Variants in SF1 observed in about 807,000 individuals in gnomAD.
SF1 encodes the protein branch point-binding protein.
Under a neutral mutation model 62.5 loss-of-function variants are expected in SF1, and 7 were observed. The ratio of observed to expected loss-of-function variants is 0.11; its 90% confidence interval spans 0.06 to 0.21. The LOEUF is 0.21. SF1 is among the 10% of genes least tolerant of loss of function. The pLI is 1.00. For synonymous variants in SF1, 394 were observed against 323.6 expected, an observed-to-expected ratio of 1.22 and a Z score of -2.33; for missense variants, 578 against 884.0, an observed-to-expected ratio of 0.65 and a Z score of 4.39.
chr11:64,766,372 CCTTT>C, intron 12 of SF1: 1 of 585,702 alleles, frequency 1.7e-6, no homozygotes, highest in Admixed American at 3.1e-5. Flanking sequence ...CAGAGTAAGC[CCTTT>C]GTCACCAATG....
At chr11:64,778,292 G>A in intron 1 of SF1, 70 bp downstream of exon 1, 2 of 1,219,132 alleles carry the variant, frequency 1.6e-6, no homozygotes, top group Non-Finnish European at 2.0e-6. Context: ...CCCGGGTGCA[G>A]GCGGAGGGCC....
At chr11:64,769,866 G>T in intron 5 of SF1, 98 bp downstream of exon 5, 1 of 955,540 alleles carries the variant, frequency 1.0e-6, no homozygotes, top group East Asian at 2.5e-5. Context: ...CTACCAAAAA[G>T]GGGAAAAGTA....
chr11:64,778,133 G>A (rs1939687040), intron 1 of SF1: 2 of 844,120 alleles, frequency 2.4e-6, no homozygotes, highest in Non-Finnish European at 2.9e-6. Flanking sequence ...CGGTGGCGGT[G>A]GAGGCGGCGG....
intron 3 of SF1, chr11:64,773,218 T>G: frequency 7.3e-7 from 1 of 1,366,744 alleles, no homozygotes; most frequent in Non-Finnish European, 9.4e-7. Flanking sequence ...TCCTGTAACT[T>G]TTTATTCTCC....
Position 64,765,786 on chromosome 11 carries a change from A to C in SF1, c.*32T>G, listed in dbSNP as rs71581801. ...TGTTTAAACGAGACCAATTCTCTCT[A>C]TATATAATATATATTTTCTTAAAAA... On this transcript the variant is annotated 3_prime_UTR_variant, in exon 13 of 13. Transcript: ENST00000377390. The C allele has an allele frequency of 7.4e-3, 11,283 of 1,515,004 alleles. 62 individuals carry two copies. The highest frequency in any genetic ancestry group is 0.016 in the Middle Eastern group (69 of 4,186). The allele number at this position is 1,515,004 out of a possible 1,614,324, so 93.8% of individuals were successfully genotyped here. A position where few individuals can be genotyped will look rare whatever the true frequency, so the allele number is the denominator to read the frequency against.
At position 64,766,025 on chromosome 11, in the gene SF1, G is replaced by A. The variant is rs775938430; in HGVS notation, c.1713C>T (p.Pro571=). Residue 571 remains proline (P), a synonymous_variant, in exon 13 of 13, where the codon CCC becomes CCT. Transcript: ENST00000377390. Reference sequence around the variant, plus strand: ...CAGGCGGCAGAGGCGGCTGGACCCCGGGGGGCAGGGGCACCATAGTGGGGT... The same window carrying A: ...CAGGCGGCAGAGGCGGCTGGACCCCAGGGGGCAGGGGCACCATAGTGGGGT... ...QGNPTMVPLP[P]GVQPPLPPGA... is the part of the protein sequence containing the mutation. 67 of 1,607,350 alleles carry A rather than the reference G, an allele frequency of 4.2e-5. No homozygotes were observed. The highest frequency in any genetic ancestry group is 1.9e-4 in the African/African-American group (14 of 74,650).
Position 64,772,053 on chromosome 11 carries a change from A to G in SF1, c.236+1377T>C, listed in dbSNP as rs561924149. On this transcript the variant is annotated intron_variant, in intron 3 of 12. Transcript: ENST00000377390. ...TACCAGCACCCAATTGGCCATGTGA[A>G]GGCCTCACAACAGTTTAACCTCCTC... 2.7e-5 allele frequency: 27 copies of G among 985,444 alleles called. No homozygotes were observed. In the African/African-American group the frequency reaches 3.8e-4, roughly 14 times the overall value. The allele number at this position is 985,444 out of a possible 1,614,324, so 61.0% of individuals were successfully genotyped here. A position where few individuals can be genotyped will look rare whatever the true frequency, so the allele number is the denominator to read the frequency against.
intron 2 of SF1, among the ~76,000 whole-genome samples, chr11:64,774,490 T>C (rs562540562): frequency 2.6e-4 from 39 of 152,306 alleles, no homozygotes; most frequent in African/African-American, 9.1e-4. Flanking sequence ...CTGAGAATTT[T>C]CAGCAGGCAT....
chr11:64,772,066 G>GTT (rs1368788709), intron 3 of SF1: 6 of 985,412 alleles, frequency 6.1e-6, no homozygotes, highest in Non-Finnish European at 7.2e-6. Flanking sequence ...CCTCACAACA[G>GTT]TTTAACCTCC....
At chr11:64,766,190 GGGGGCAC>G in intron 12 of SF1, 35 bp from the exon 13 acceptor site, 1 of 1,579,758 alleles carries the variant, frequency 6.3e-7, no homozygotes, top group Non-Finnish European at 8.6e-7. Context: ...TCACACGCGC[GGGGGCAC>G]ACCGCGGCTG....
In SF1 at chr11:64,765,905, G is replaced by A; in HGVS notation, c.1833C>T (p.Asn611=). Residue 611 remains asparagine, a synonymous_variant, in exon 13 of 13, where the codon AAC becomes AAT. Coordinates refer to ENST00000377390, the MANE Select transcript of SF1 (RefSeq NM_004630.4). The stretch of plus-strand genomic sequence containing the variant: ...CCCCCATGCCCATCATGGTGACAAA[G>A]TTAGAAGGGTCCATGGGAGGCGGAG... ...PPPPPPMDPS[N]FVTMMGMGVA... 1 of 1,565,118 alleles carries A rather than the reference G, an allele frequency of 6.4e-7. No homozygotes were observed. The highest frequency in any genetic ancestry group is 8.7e-7 in the Non-Finnish European group (1 of 1,155,562).
chr11:64,778,103 G>C (rs1939675389), intron 1 of SF1: 2 of 910,218 alleles, frequency 2.2e-6, no homozygotes, highest in East Asian at 1.8e-4. Flanking sequence ...CTGCGGCGGC[G>C]GGTACGAGGC....
At position 64,765,808 on chromosome 11, in the gene SF1, A is replaced by G; in HGVS notation, c.*10T>C. On this transcript the variant is annotated 3_prime_UTR_variant, in exon 13 of 13. Transcript: ENST00000377390. ...TCTATATATAATATATATTTTCTTAAAAAACAAGTCTAGTTCTGTGGTGGA... is the reference window on the plus strand; with the variant it reads ...TCTATATATAATATATATTTTCTTAGAAAACAAGTCTAGTTCTGTGGTGGA... The G allele has an allele frequency of 6.5e-7, 1 of 1,530,704 alleles. No individual in the cohort carries two copies. 94.8% of individuals were successfully genotyped at this position (1,530,704 alleles called of 1,614,324 possible).
intron 1 of SF1, chr11:64,777,598 C>T: frequency 1.0e-6 from 1 of 985,446 alleles, no homozygotes; most frequent in South Asian, 4.7e-5. Flanking sequence ...AGTCGCTGCA[C>T]GTCATCAGGT....
chr11:64,765,920 G>GGGAGGC lies in SF1; in HGVS notation c.1812_1817dup (p.Pro605_Pro606dup). ...TGGTGACAAAGTTAGAAGGGTCCAT[G>GGGAGGC]GGAGGCGGAGGAGGAGGGGGCGGGG... On this transcript the variant is annotated inframe_insertion, in exon 13 of 13. Transcript: ENST00000377390. 3 of 1,568,502 alleles carry GGGAGGC rather than the reference G, an allele frequency of 1.9e-6. No individual in the cohort carries two copies. The highest frequency in any genetic ancestry group is 2.6e-6 in the Non-Finnish European group (3 of 1,157,480).
chr11:64,776,363 G>C (rs528197431), intron 2 of SF1, 135 bp downstream of exon 2: 5 of 958,454 alleles, frequency 5.2e-6, no homozygotes, highest in African/African-American at 4.9e-5. Flanking sequence ...AAAACTGACA[G>C]ATGATACCAA....
At chr11:64,776,378 G>T (rs754217495) in intron 2 of SF1, 120 bp downstream of exon 2, 2 of 1,098,038 alleles carry the variant, frequency 1.8e-6, no homozygotes, top group African/African-American at 3.1e-5. Context: ...TACCAAAGTC[G>T]TGAAAGTATC....
chr11:64,766,651 C>T (rs537889513), intron 12 of SF1: 220 of 446,146 alleles, frequency 4.9e-4, no homozygotes, highest in African/African-American at 4.2e-3. Context: ...TTCTGGCCCC[C>T]TACCTACAAT....
In SF1 at chr11:64,776,493, T is replaced by C; in HGVS notation, c.160+5A>G. The C allele has an allele frequency of 6.4e-7, 1 of 1,565,524 alleles. No individual in the cohort carries two copies. The highest frequency in any genetic ancestry group is 8.6e-7 in the Non-Finnish European group (1 of 1,161,504). ...AGTGCATTTGGATGCAGAACGTATA[T>C]TTACCTATATAAGCTCTTTCTTGTT... On this transcript the variant is annotated splice_donor_5th_base_variant and intron_variant, in intron 2 of 12. Coordinates refer to ENST00000377390, the MANE Select transcript of SF1 (RefSeq NM_004630.4).
Sources: gnomAD v4.1 joint callset for allele counts (sites outside exome capture counted in the v4.1 genomes callset) on GRCh38, gnomAD v4.1.1 for gene constraint, MANE v1.5 for transcripts, NCBI Gene and HGNC (gene_info 2026-07-23, HGNC 2026-07-21) for gene names.